FAM110B: variants seen among roughly 807,000 people sequenced by gnomAD.
The protein encoded by FAM110B is family with sequence similarity 110 member B, also known as protein FAM110B.
FAM110B carries 6 observed loss-of-function variants against 20.4 expected under a neutral mutation model. The ratio of observed to expected loss-of-function variants is 0.29; its 90% CI spans 0.16 to 0.58. FAM110B has a LOEUF of 0.58. FAM110B is among the 20% of genes least tolerant of loss of function. The pLI is 0.90. For missense variants in FAM110B, 434 were observed against 498.2 expected, an observed-to-expected ratio of 0.87 and a Z score of 1.23; for synonymous variants, 226 against 214.1, an observed-to-expected ratio of 1.06 and a Z score of -0.49.
At chr8:58,101,425 A>G (rs1408831153) in intron 3 of FAM110B, among the ~76,000 whole-genome samples, 2 of 152,224 alleles carry the variant, frequency 1.3e-5, no homozygotes, top group Non-Finnish European at 2.9e-5. Flanking sequence ...GCTTAACTTC[A>G]TTTAAAGAAT....
chr8:58,043,073 G>T (rs1328949974), intron 2 of FAM110B: 2 of 152,226 alleles, frequency 1.3e-5, no homozygotes, highest in African/African-American at 4.8e-5. Flanking sequence ...AATGAAAGCA[G>T]CAAACACCTC....
At position 58,148,086 on chromosome 8, in the gene FAM110B, C is replaced by G. The variant is rs1182627360; in HGVS notation, c.*743C>G. On this transcript the variant is annotated 3_prime_UTR_variant, in exon 4 of 4. Coordinates refer to ENST00000519262, the MANE Select transcript of FAM110B (RefSeq NM_001377989.1). ...TCTGATTGGGATAATTCAGAAATTC[C>G]TAATATTATCTTTCGACAGAATGAC... The G allele has an allele frequency of 6.1e-6, 1 of 164,806 alleles. No individual in the cohort carries two copies. The highest frequency in any genetic ancestry group is 1.5e-5 in the Non-Finnish European group (1 of 67,888). The allele number at this position is 164,806 out of a possible 1,614,324, so 10.2% of individuals were successfully genotyped here.
chr8:58,141,727 T>C (rs566435740), intron 3 of FAM110B, among the ~76,000 whole-genome samples: 3 of 152,358 alleles, frequency 2.0e-5, no homozygotes, highest in African/African-American at 7.2e-5. Flanking sequence ...GTTTTTAATA[T>C]TGAATTTTTA....
chr8:58,065,204 C>T (rs1198432812), intron 2 of FAM110B, among the ~76,000 whole-genome samples: 1 of 152,094 alleles, frequency 6.6e-6, no homozygotes, highest in Non-Finnish European at 1.5e-5. Context: ...ACAGTAAGTG[C>T]AGAGATGCAT....
chr8:57,998,828 C>G (rs1361878358), intron 1 of FAM110B, among the ~76,000 whole-genome samples: 1 of 152,148 alleles, frequency 6.6e-6, no homozygotes. Flanking sequence ...CTTTTTCATC[C>G]TGTTTTAAAA....
At chr8:58,115,343 A>AAC (rs1563375370) in intron 3 of FAM110B, among the ~76,000 whole-genome samples, 1 of 152,098 alleles carries the variant, frequency 6.6e-6, no homozygotes, top group African/African-American at 2.4e-5. Context: ...CATACATACA[A>AAC]ACACACACAC....
intron 2 of FAM110B, among the ~76,000 whole-genome samples, chr8:58,037,199 A>T (rs942905886): frequency 1.3e-5 from 2 of 152,032 alleles, no homozygotes; most frequent in Non-Finnish European, 2.9e-5. Flanking sequence ...ATGCATTCTT[A>T]TTGTTACATA....
intron 3 of FAM110B, among the ~76,000 whole-genome samples, chr8:58,096,301 G>C (rs28815004): frequency 6.6e-6 from 1 of 151,898 alleles, no homozygotes; most frequent in African/African-American, 2.4e-5. Context: ...TCAGTCTCCC[G>C]AGTAGCTGGG....
intron 1 of FAM110B, among the ~76,000 whole-genome samples, chr8:58,015,271 C>T (rs771351093): frequency 6.6e-6 from 1 of 152,004 alleles, no homozygotes. Context: ...GCAGGGCAAT[C>T]GCTTGAACCC....
intron 2 of FAM110B, among the ~76,000 whole-genome samples, chr8:58,053,791 T>G (rs2150582103): frequency 6.6e-6 from 1 of 152,378 alleles, no homozygotes; most frequent in East Asian, 1.9e-4. Flanking sequence ...TTCTAGAACT[T>G]CAGCTCACTT....
intron 3 of FAM110B, among the ~76,000 whole-genome samples, chr8:58,097,420 G>A (rs1449452710): frequency 6.6e-6 from 1 of 152,080 alleles, no homozygotes; most frequent in Non-Finnish European, 1.5e-5. Flanking sequence ...TCTCTAAACT[G>A]GTTATTTTAG....
intron 3 of FAM110B, among the ~76,000 whole-genome samples, chr8:58,114,532 G>GAGGTTTCTAT (rs1563375044): frequency 1.3e-5 from 2 of 152,102 alleles, no homozygotes; most frequent in Non-Finnish European, 2.9e-5. Flanking sequence ...TTGAATCCCA[G>GAGGTTTCTAT]GCATTCTATG....
At position 58,144,106 on chromosome 8, in the gene FAM110B, G is replaced by T. The variant is rs73682174; in HGVS notation, c.-324-1801G>T. On this transcript the variant is annotated intron_variant, in intron 3 of 3. Coordinates refer to ENST00000519262, the MANE Select transcript of FAM110B (RefSeq NM_001377989.1). ...TTTGTCTCCCACTGCCCACTAGGTG[G>T]TATTCCCACTCTAGTCCTCAGGCAC... 2.0e-5 allele frequency among the ~76,000 whole-genome samples: 3 copies of T among 152,276 alleles called. No individual in the cohort carries two copies. In the South Asian group the frequency reaches 6.2e-4, roughly 32 times the overall value.
intron 3 of FAM110B, among the ~76,000 whole-genome samples, chr8:58,101,232 G>A (rs1475550171): frequency 6.6e-6 from 1 of 151,308 alleles, no homozygotes; most frequent in African/African-American, 2.4e-5. Flanking sequence ...TTTACAATAA[G>A]CAGTGATTTT....
intron 1 of FAM110B, among the ~76,000 whole-genome samples, chr8:58,025,586 G>T (rs995284809): frequency 5.9e-5 from 9 of 152,144 alleles, no homozygotes; most frequent in Non-Finnish European, 1.2e-4. Context: ...GTCACAACTG[G>T]ATATGAGAAA....
At chr8:58,083,168 A>G (rs1806244744) in intron 3 of FAM110B, among the ~76,000 whole-genome samples, 1 of 152,206 alleles carries the variant, frequency 6.6e-6, no homozygotes, top group Admixed American at 6.5e-5. Context: ...ATAAGACACA[A>G]CAGCACAGGG....
intron 3 of FAM110B, among the ~76,000 whole-genome samples, chr8:58,132,511 G>C (rs1374036756): frequency 6.6e-6 from 1 of 152,048 alleles, no homozygotes; most frequent in African/African-American, 2.4e-5. Flanking sequence ...TTAGAATACA[G>C]ATGGCCCCGA....
At chr8:58,090,542 T>A (rs1806449756) in intron 3 of FAM110B, among the ~76,000 whole-genome samples, 1 of 152,206 alleles carries the variant, frequency 6.6e-6, no homozygotes. Flanking sequence ...ACACACAAAA[T>A]TTGTGTTGTT....
chr8:58,005,115 T>C (rs2150563348), intron 1 of FAM110B, among the ~76,000 whole-genome samples: 1 of 152,314 alleles, frequency 6.6e-6, no homozygotes, highest in African/African-American at 2.4e-5. Flanking sequence ...AGCGGTTGAT[T>C]TAAAGTGAGA....
Sources: gnomAD v4.1 joint callset for allele counts (sites outside exome capture counted in the v4.1 genomes callset) on GRCh38, gnomAD v4.1.1 for gene constraint, MANE v1.5 for transcripts, NCBI Gene and HGNC (gene_info 2026-07-23, HGNC 2026-07-21) for gene names.